The following METTL15 variants were observed in gnomAD, a reference collection of about 807,000 sequenced individuals.
METTL15 encodes 12S rRNA N(4)-cytidine methyltransferase METTL15.
In METTL15, 34 loss-of-function variants were observed where a neutral mutation model predicts 38.3. That is an observed-to-expected ratio of 0.89 (90% confidence interval 0.68 to 1.18). The LOEUF is 1.18. METTL15 is among the 50% of genes most tolerant of loss of function. The pLI is 0.00. For missense variants in METTL15, 438 were observed against 498.4 expected, an observed-to-expected ratio of 0.88 and a Z score of 1.15; for synonymous variants, 162 against 170.9, an observed-to-expected ratio of 0.95 and a Z score of 0.41.
chr11:28,269,166 C>T (rs948466817), intron 4 of METTL15, among the ~76,000 whole-genome samples: 5 of 152,144 alleles, frequency 3.3e-5, no homozygotes, highest in East Asian at 3.8e-4. Flanking sequence ...AAAGTTTTGA[C>T]GTCAGAGTAG....
intron 4 of METTL15, among the ~76,000 whole-genome samples, chr11:28,279,081 C>G (rs550078190): frequency 6.6e-6 from 1 of 152,314 alleles, no homozygotes; most frequent in South Asian, 2.1e-4. Context: ...TCTGCCTCGG[C>G]CTCCCAAAGT....
At chr11:28,330,310 A>G in intron 6 of METTL15, 86 bp from the exon 7 acceptor site, 1 of 1,218,902 alleles carries the variant, frequency 8.2e-7, no homozygotes, top group South Asian at 1.7e-5. Context: ...CTAAATATGC[A>G]CACAACTACA....
chr11:28,515,315 G>A (rs578098975), intron 6 of METTL15, among the ~76,000 whole-genome samples: 1 of 152,190 alleles, frequency 6.6e-6, no homozygotes, highest in East Asian at 1.9e-4. Context: ...TATTAGTAAA[G>A]GCAAAGCTAA....
chr11:28,204,488 C>CT (rs1229016900), intron 3 of METTL15, among the ~76,000 whole-genome samples: 1 of 96,524 alleles, frequency 1.0e-5, no homozygotes, highest in Non-Finnish European at 1.9e-5. Context: ...TGCCAGTTGT[C>CT]TAATTCCCTC....
chr11:28,181,673 T>G (rs1158516263), intron 3 of METTL15, among the ~76,000 whole-genome samples: 1 of 152,042 alleles, frequency 6.6e-6, no homozygotes, highest in Non-Finnish European at 1.5e-5. Flanking sequence ...GACATTTGGG[T>G]GGGTTCCAGC....
At chr11:28,222,736 A>G (rs952905821) in intron 4 of METTL15, among the ~76,000 whole-genome samples, 1 of 152,204 alleles carries the variant, frequency 6.6e-6, no homozygotes, top group South Asian at 2.1e-4. Flanking sequence ...TCATAAATCT[A>G]TAAAATAAAT....
intron 6 of METTL15, among the ~76,000 whole-genome samples, chr11:28,456,970 G>A (rs1298627410): frequency 6.6e-6 from 1 of 152,200 alleles, no homozygotes; most frequent in Admixed American, 6.5e-5. Flanking sequence ...AACCATCATT[G>A]CTGTACCCTG....
intron 3 of METTL15, among the ~76,000 whole-genome samples, chr11:28,143,920 G>T (rs946529647): frequency 6.6e-6 from 1 of 152,168 alleles, no homozygotes; most frequent in Non-Finnish European, 1.5e-5. Context: ...GCTTTAGGCT[G>T]CAGCCTAGGC....
At chr11:28,212,666 A>G (rs1590166846) in intron 4 of METTL15, among the ~76,000 whole-genome samples, 1 of 152,164 alleles carries the variant, frequency 6.6e-6, no homozygotes, top group Admixed American at 6.5e-5. Flanking sequence ...AACAGTTGTT[A>G]TACTTTATTG....
chr11:28,151,955 A>G (rs916449684), intron 3 of METTL15, among the ~76,000 whole-genome samples: 34 of 152,170 alleles, frequency 2.2e-4, no homozygotes, highest in Middle Eastern at 3.4e-3. Flanking sequence ...TCAGATTTCA[A>G]TAATCAAATA....
intron 4 of METTL15, among the ~76,000 whole-genome samples, chr11:28,250,193 T>C (rs1854681281): frequency 6.6e-6 from 1 of 152,024 alleles, no homozygotes; most frequent in South Asian, 2.1e-4. Context: ...ATAGTGTACA[T>C]GTATCTTTAT....
At chr11:28,520,446 G>C (rs1387525006) in intron 6 of METTL15, among the ~76,000 whole-genome samples, 2 of 152,158 alleles carry the variant, frequency 1.3e-5, no homozygotes, top group Admixed American at 1.3e-4. Context: ...GAGCCTGATA[G>C]AAACAACAAA....
chr11:28,346,425 A>G (rs1849996738), intron 3 of METTL15, among the ~76,000 whole-genome samples: 2 of 152,226 alleles, frequency 1.3e-5, no homozygotes, highest in Admixed American at 1.3e-4. Flanking sequence ...GTCATATTTT[A>G]TAGGTGTTTC....
downstream of METTL15, among the ~76,000 whole-genome samples, chr11:28,337,284 T>TA (rs1849909263): frequency 6.6e-6 from 1 of 152,054 alleles, no homozygotes; most frequent in South Asian, 2.1e-4. Context: ...TTTTTTAAGA[T>TA]ACAGAGTCTT....
At chr11:28,478,931 G>C (rs1254262842) in intron 6 of METTL15, among the ~76,000 whole-genome samples, 1 of 152,072 alleles carries the variant, frequency 6.6e-6, no homozygotes, top group Non-Finnish European at 1.5e-5. Context: ...TGCCAAGGGA[G>C]GCCCCATGGT....
At chr11:28,375,867 T>A (rs1168643300) in intron 5 of METTL15, among the ~76,000 whole-genome samples, 1 of 151,834 alleles carries the variant, frequency 6.6e-6, no homozygotes, top group Non-Finnish European at 1.5e-5. Flanking sequence ...GTATGTTGTG[T>A]CTTTGTTCTC....
chr11:28,248,927 T>C (rs977658998), intron 4 of METTL15, among the ~76,000 whole-genome samples: 3 of 152,066 alleles, frequency 2.0e-5, no homozygotes. Flanking sequence ...TGATAATCTT[T>C]TTTTCAGACT....
At chr11:28,269,400 TAG>T (rs1282761390) in intron 4 of METTL15, among the ~76,000 whole-genome samples, 4 of 152,188 alleles carry the variant, frequency 2.6e-5, no homozygotes, top group Non-Finnish European at 5.9e-5. Flanking sequence ...TATTTAAATA[TAG>T]GTTTATATAT....
downstream of METTL15, among the ~76,000 whole-genome samples, chr11:28,335,693 G>A (rs1849894790): frequency 6.6e-6 from 1 of 152,084 alleles, no homozygotes; most frequent in African/African-American, 2.4e-5. Flanking sequence ...CAGAGAGCTG[G>A]TTGTTAAAAA....
Sources: gnomAD v4.1 joint callset for allele counts (sites outside exome capture counted in the v4.1 genomes callset) on GRCh38, gnomAD v4.1.1 for gene constraint, MANE v1.5 for transcripts, NCBI Gene and HGNC (gene_info 2026-07-23, HGNC 2026-07-21) for gene names.